Variants in TBC1D32 observed in about 807,000 individuals in gnomAD.
TBC1D32 encodes the protein TBC1 domain family member 32.
In TBC1D32, 151 loss-of-function variants were observed where a neutral mutation model predicts 170.3. The observed-to-expected ratio is 0.89, with a 90% CI of 0.78 to 1.01. The LOEUF (loss-of-function observed/expected upper bound fraction) is 1.01. Among genes scored for constraint, TBC1D32 ranks in the 50% least tolerant of loss-of-function variants. The pLI, the probability that TBC1D32 is intolerant of heterozygous loss-of-function variation, is 0.00. For synonymous variants in TBC1D32, 498 were observed against 488.0 expected, an observed-to-expected ratio of 1.02 and a Z score of -0.27; for missense variants, 1,464 against 1,457.1, an observed-to-expected ratio of 1.00 and a Z score of -0.08.
At chr6:121,114,350 C>G (rs904186750) in intron 27 of TBC1D32, among the ~76,000 whole-genome samples, 17 of 152,186 alleles carry the variant, frequency 1.1e-4, no homozygotes, top group African/African-American at 3.9e-4. Context: ...TTATTTCTTA[C>G]AAATAAGATA....
intron 22 of TBC1D32, chr6:121,192,525 T>C (rs914774144): frequency 3.9e-5 from 6 of 152,170 alleles, no homozygotes; most frequent in African/African-American, 1.4e-4. Flanking sequence ...AGATTGCCCA[T>C]AGTGAGTGGC....
At position 121,090,862 on chromosome 6, in the gene TBC1D32, A is replaced by C; in HGVS notation, c.3645T>G (p.Val1215=). ...LQHTQTQDLQ[V]FLKEEALHGF... is the part of the protein sequence containing the mutation. ...ATATAAACATACTTACTTTTAGGAA[A>C]ACTTGCAGATCTTGAGTCTGAGTGT... The change falls in exon 31 of 32, where the codon GTT becomes GTG. Residue 1215 remains valine (V), a synonymous_variant. Coordinates refer to ENST00000398212, the MANE Select transcript of TBC1D32 (RefSeq NM_152730.6). The C allele has an allele frequency of 6.2e-7, 1 of 1,608,968 alleles. No individual in the cohort carries two copies. The highest frequency in any genetic ancestry group is 8.5e-7 in the Non-Finnish European group (1 of 1,178,734).
At chr6:121,119,755 C>T (rs921274472) in intron 26 of TBC1D32, among the ~76,000 whole-genome samples, 2 of 152,014 alleles carry the variant, frequency 1.3e-5, no homozygotes, top group Non-Finnish European at 2.9e-5. Context: ...AAGGGATAAA[C>T]AGCCAAACTA....
intron 1 of TBC1D32, among the ~76,000 whole-genome samples, chr6:121,326,508 T>TA (rs1810481131): frequency 6.6e-6 from 1 of 152,190 alleles, no homozygotes; most frequent in African/African-American, 2.4e-5. Context: ...ATTCATTTTT[T>TA]AAAAAAATCT....
chr6:121,130,905 A>G (rs1781370757), intron 25 of TBC1D32, among the ~76,000 whole-genome samples: 1 of 152,108 alleles, frequency 6.6e-6, no homozygotes, highest in African/African-American at 2.4e-5. Flanking sequence ...AACTTTGGAG[A>G]ACAACATTTG....
At chr6:121,217,151 C>A (rs1336688182) in intron 21 of TBC1D32, among the ~76,000 whole-genome samples, 2 of 152,158 alleles carry the variant, frequency 1.3e-5, no homozygotes, top group African/African-American at 4.8e-5. Flanking sequence ...AGTGGTGACT[C>A]AAACTGCAGC....
chr6:121,296,690 T>A (rs1036620569), intron 10 of TBC1D32, among the ~76,000 whole-genome samples: 1 of 152,120 alleles, frequency 6.6e-6, no homozygotes, highest in Non-Finnish European at 1.5e-5. Flanking sequence ...TTATACAATG[T>A]CTTAAACATC....
intron 30 of TBC1D32, among the ~76,000 whole-genome samples, chr6:121,096,548 G>C (rs1489172154): frequency 6.6e-6 from 1 of 152,018 alleles, no homozygotes; most frequent in East Asian, 1.9e-4. Context: ...AATAAGAGAG[G>C]ACACAAACAA....
At chr6:121,294,709 C>A in intron 10 of TBC1D32, 49 bp from the exon 11 acceptor site, 1 of 1,396,040 alleles carries the variant, frequency 7.2e-7, no homozygotes, top group Non-Finnish European at 1.0e-6. Context: ...GCCCTCAAGT[C>A]CAAGAATTAA....
rs13219090 is a variant in TBC1D32 at position 121,101,677 on chromosome 6, C to G, written c.3465+4346G>C. Among the ~76,000 whole-genome samples, 315 of 152,224 alleles carry G rather than the reference C, an allele frequency of 2.1e-3. 1 individual carries two copies. Among genetic ancestry groups the G allele is most frequent in the African/African-American group, 7.3e-3 (303 of 41,532 alleles). On this transcript the variant is annotated intron_variant, in intron 30 of 31. Coordinates refer to ENST00000398212, the MANE Select transcript of TBC1D32 (RefSeq NM_152730.6). ...GAAGCATTCCCTTTGAAAACTGGCACAAGACAGGGATGCCCTCTCTCACCA... is the reference window on the plus strand; with the variant it reads ...GAAGCATTCCCTTTGAAAACTGGCAGAAGACAGGGATGCCCTCTCTCACCA...
intron 30 of TBC1D32, among the ~76,000 whole-genome samples, chr6:121,091,583 A>T (rs1776804181): frequency 1.3e-5 from 2 of 152,204 alleles, no homozygotes; most frequent in African/African-American, 4.8e-5. Flanking sequence ...CTTTTACAAA[A>T]GGAATTTTTT....
intron 10 of TBC1D32, among the ~76,000 whole-genome samples, chr6:121,296,389 C>T (rs1276539701): frequency 1.3e-5 from 2 of 152,086 alleles, no homozygotes; most frequent in Non-Finnish European, 2.9e-5. Flanking sequence ...CCTGTCTTTT[C>T]TAAATCAAAC....
chr6:121,264,360 C>A (rs1166102088), intron 15 of TBC1D32, among the ~76,000 whole-genome samples: 1 of 151,366 alleles, frequency 6.6e-6, no homozygotes, highest in South Asian at 2.1e-4. Flanking sequence ...CATAAACCCT[C>A]CCAAGAAGAA....
At chr6:121,291,339 C>T (rs1804833883) in intron 12 of TBC1D32, among the ~76,000 whole-genome samples, 1 of 151,922 alleles carries the variant, frequency 6.6e-6, no homozygotes, top group Non-Finnish European at 1.5e-5. Context: ...AGGCCTGCTA[C>T]ATTAATTCTT....
chr6:121,291,849 T>TA lies in TBC1D32; in HGVS notation c.1372+203dup, dbSNP rs530144151. On this transcript the variant is annotated intron_variant, in intron 12 of 31. Transcript: ENST00000398212. ...TCCCTAAAGGCTGAAGGAATAATAA[T>TA]AAAAAAAAAATACATGTAGAAAGAA... 1.7e-3 allele frequency among the ~76,000 whole-genome samples: 254 copies of TA among 145,946 alleles called. 1 individual carries two copies. In the East Asian group the frequency reaches 0.018, roughly 10 times the overall value.
At position 121,318,084 on chromosome 6, in the gene TBC1D32, T is replaced by G. The variant is rs112928429; in HGVS notation, c.318-412A>C. Among the ~76,000 whole-genome samples, 21 of 136,956 alleles carry G rather than the reference T, an allele frequency of 1.5e-4. No homozygotes were observed. In the East Asian group the frequency reaches 5.3e-3, roughly 35 times the overall value. 89.8% of individuals were successfully genotyped at this position (136,956 alleles called of 152,430 possible). On this transcript the variant is annotated intron_variant, in intron 2 of 31. Coordinates refer to ENST00000398212, the MANE Select transcript of TBC1D32 (RefSeq NM_152730.6). ...ATACCTATCTCTTTCTCCACCCCCC[T>G]ATCCTTTATTTTCTTTCCTTCTCTT...
chr6:121,286,796 T>C (rs1482169181), intron 12 of TBC1D32, among the ~76,000 whole-genome samples: 2 of 152,100 alleles, frequency 1.3e-5, no homozygotes. Flanking sequence ...AGACTAACAG[T>C]TGATCTCTCA....
At chr6:121,243,631 T>C (rs557954930) in intron 17 of TBC1D32, among the ~76,000 whole-genome samples, 54 of 151,884 alleles carry the variant, frequency 3.6e-4, no homozygotes, top group African/African-American at 1.3e-3. Context: ...ATGAAGAATA[T>C]ATTGTCTTTT....
intron 24 of TBC1D32, among the ~76,000 whole-genome samples, chr6:121,150,276 T>C (rs1272658267): frequency 6.6e-6 from 1 of 152,238 alleles, no homozygotes; most frequent in East Asian, 1.9e-4. Flanking sequence ...ATCAATGTTT[T>C]TGTCTGTTCT....
Sources: gnomAD v4.1 joint callset for allele counts (sites outside exome capture counted in the v4.1 genomes callset) on GRCh38, gnomAD v4.1.1 for gene constraint, MANE v1.5 for transcripts, NCBI Gene and HGNC (gene_info 2026-07-23, HGNC 2026-07-21) for gene names.